The following NOXRED1 variants were observed in gnomAD, a reference collection of about 807,000 sequenced individuals.
NOXRED1 encodes NADP dependent oxidoreductase domain containing 1.
In NOXRED1, 20 loss-of-function variants were observed where a neutral mutation model predicts 30.4. The ratio of observed to expected loss-of-function variants is 0.66; its 90% CI spans 0.46 to 0.96. The LOEUF is 0.96. NOXRED1 is among the 40% of genes least tolerant of loss of function. The pLI is 0.00. For missense variants in NOXRED1, 374 were observed against 428.0 expected, an observed-to-expected ratio of 0.87 and a Z score of 1.11; for synonymous variants, 155 against 168.0, an observed-to-expected ratio of 0.92 and a Z score of 0.60.
intron 2 of NOXRED1, 56 bp downstream of exon 2, chr14:77,413,878 T>C (rs1480973640): frequency 7.8e-7 from 1 of 1,274,318 alleles, no homozygotes; most frequent in Non-Finnish European, 1.1e-6. Flanking sequence ...AAAATGGCTT[T>C]GTTGACACCT....
chr14:77,394,304 G>T lies in NOXRED1; in HGVS notation c.*327C>A. 5.7e-6 allele frequency: 1 copy of T among 174,414 alleles called. No individual in the cohort carries two copies. Among genetic ancestry groups the T allele is most frequent in the African/African-American group, 2.3e-5 (1 of 42,556 alleles). 10.8% of individuals were successfully genotyped at this position (174,414 alleles called of 1,614,324 possible). The stretch of plus-strand genomic sequence containing the variant: ...GGAAAAGAAGCTGCAGTATGTAATT[G>T]TCTAAAACTTATAACATTATAACTT... On this transcript the variant is annotated 3_prime_UTR_variant, in exon 6 of 6. Transcript: ENST00000380835.
rs1358385804 is a variant in NOXRED1, at chr14:77,406,055, G to A, written c.763C>T (p.His255Tyr). ...CTCAGAAGCTGCAGCACTTGGGAGTGGGCCATGTTTCTTGCTGTGCATATG... is the reference window on the plus strand; with the variant it reads ...CTCAGAAGCTGCAGCACTTGGGAGTAGGCCATGTTTCTTGCTGTGCATATG... ...LNICTARNMA[H>Y]SQVLQLLSEL... The change falls in exon 5 of 6, where the codon CAC (histidine) becomes TAC (tyrosine). Residue 255 changes from histidine (H) to tyrosine (Y), a missense_variant. Coordinates refer to ENST00000380835, the MANE Select transcript of NOXRED1 (RefSeq NM_001113475.3). The A allele has an allele frequency of 6.2e-7, 1 of 1,613,774 alleles. No homozygotes were observed.
At position 77,395,352 on chromosome 14, in the gene NOXRED1, C is replaced by T. The variant is rs553870010; in HGVS notation, c.906-547G>A. Among the ~76,000 whole-genome samples the T allele has an allele frequency of 1.9e-3, 296 of 152,028 alleles. 3 individuals carry two copies. The highest frequency in any genetic ancestry group is 0.018 in the South Asian group (87 of 4,800). On this transcript the variant is annotated intron_variant, in intron 5 of 5. Transcript: ENST00000380835. ...CAATCTCCTGACCTTGTGATCTGCC[C>T]GTCTCGGCCTCCCAAAGTGCTGGGA...
At chr14:77,412,000 C>T (rs1468459366) in intron 2 of NOXRED1, among the ~76,000 whole-genome samples, 1 of 146,454 alleles carries the variant, frequency 6.8e-6, no homozygotes, top group Non-Finnish European at 1.5e-5. Flanking sequence ...GAGGCTGAGG[C>T]GGGAGAATCG....
In NOXRED1 at chr14:77,406,877, TG is replaced by T; in HGVS notation, c.531-3del. On this transcript the variant is annotated splice_region_variant and splice_polypyrimidine_tract_variant and intron_variant, in intron 3 of 5. Transcript: ENST00000380835. ...GTGTGGTTCAACAGTAGTTTCAGCC[TG>T]GAAGTAAAGCCAAGACAGGGAGTGC... 1 of 1,612,738 alleles carries T rather than the reference TG, an allele frequency of 6.2e-7. No individual in the cohort carries two copies. Among genetic ancestry groups the T allele is most frequent in the Admixed American group, 1.7e-5 (1 of 59,772 alleles).
In NOXRED1 at chr14:77,394,853, C is replaced by A. The variant is rs751183640; in HGVS notation, c.906-48G>T. ...ACTTTTTTATGTCTGTTCAGTATATCTGATTTGGCTGTTAAACACATCTTT... is the reference window on the plus strand; with the variant it reads ...ACTTTTTTATGTCTGTTCAGTATATATGATTTGGCTGTTAAACACATCTTT... On this transcript the variant is annotated intron_variant, in intron 5 of 5. Transcript: ENST00000380835. 3 of 1,375,066 alleles carry A rather than the reference C, an allele frequency of 2.2e-6. No homozygotes were observed. The Admixed American group carries it at 5.8e-5, about 27-fold the overall frequency. The allele number at this position is 1,375,066 out of a possible 1,614,324, so 85.2% of individuals were successfully genotyped here.
At position 77,413,928 on chromosome 14, in the gene NOXRED1, C is replaced by T. The variant is rs764855910; in HGVS notation, c.349+6G>A. The T allele has an allele frequency of 1.3e-6, 2 of 1,573,926 alleles. No individual in the cohort carries two copies. Among genetic ancestry groups the T allele is most frequent in the South Asian group, 1.2e-5 (1 of 86,504 alleles). On this transcript the variant is annotated splice_donor_region_variant and intron_variant, in intron 2 of 5. Coordinates refer to ENST00000380835, the MANE Select transcript of NOXRED1 (RefSeq NM_001113475.3). Reference sequence around the variant, plus strand: ...AGCCCCCTTTCTACCACACACTGCTCCTCACCCAGAGTCTCTGGCCTCCGA... The same window carrying T: ...AGCCCCCTTTCTACCACACACTGCTTCTCACCCAGAGTCTCTGGCCTCCGA...
rs767812390 is a variant in NOXRED1 at position 77,406,847 on chromosome 14, T to C, written c.559A>G (p.Ile187Val). Residue 187 changes from isoleucine (I) to valine (V), a missense_variant, in exon 4 of 6, where the codon ATC becomes GTC. Physicochemically the swap from Ile to Val is conservative, Grantham distance 29. Transcript: ENST00000380835. ...TCATACTGATACTGAGGCCGCAAGATATTGGTGTGGTTCAACAGTAGTTTC... is the reference window on the plus strand; with the variant it reads ...TCATACTGATACTGAGGCCGCAAGACATTGGTGTGGTTCAACAGTAGTTTC... ...RLKLLLNHTN[I>V]LRPQYQYDED... 4 of 1,614,014 alleles carry C rather than the reference T, an allele frequency of 2.5e-6. No homozygotes were observed. The highest frequency in any genetic ancestry group is 3.4e-6 in the Non-Finnish European group (4 of 1,179,982).
At chr14:77,396,901 A>G (rs937659635) in intron 5 of NOXRED1, among the ~76,000 whole-genome samples, 2 of 152,244 alleles carry the variant, frequency 1.3e-5, no homozygotes, top group Admixed American at 1.3e-4. Context: ...ATTATTGCCA[A>G]CACCAGTTGC....
chr14:77,416,485 T>C (rs541681107), intron 1 of NOXRED1, among the ~76,000 whole-genome samples: 11 of 152,202 alleles, frequency 7.2e-5, no homozygotes, highest in African/African-American at 1.2e-4. Context: ...CCTGAGTGGA[T>C]ACAGCACATG....
At chr14:77,411,536 A>G (rs1894653184) in intron 2 of NOXRED1, among the ~76,000 whole-genome samples, 1 of 152,094 alleles carries the variant, frequency 6.6e-6, no homozygotes, top group African/African-American at 2.4e-5. Flanking sequence ...AAGAAGTTAG[A>G]CTAAAAAAAC....
At chr14:77,416,638 A>G (rs1894831337) in intron 1 of NOXRED1, among the ~76,000 whole-genome samples, 2 of 152,220 alleles carry the variant, frequency 1.3e-5, no homozygotes, top group Admixed American at 6.5e-5. Context: ...CGATTTCTCA[A>G]TCTTTTCCCC....
chr14:77,409,130 G>A (rs150181532), intron 2 of NOXRED1, among the ~76,000 whole-genome samples: 3 of 152,170 alleles, frequency 2.0e-5, no homozygotes, highest in Non-Finnish European at 4.4e-5. Flanking sequence ...GACTTCTTAT[G>A]TTAACCACTG....
chr14:77,415,000 A>G (rs1453818839), intron 1 of NOXRED1, among the ~76,000 whole-genome samples: 1 of 151,808 alleles, frequency 6.6e-6, no homozygotes, highest in East Asian at 1.9e-4. Context: ...AACATGTAAG[A>G]CCTCGTCTCT....
chr14:77,396,521 T>C (rs1449214183), intron 5 of NOXRED1, among the ~76,000 whole-genome samples: 1 of 152,110 alleles, frequency 6.6e-6, no homozygotes, highest in Non-Finnish European at 1.5e-5. Flanking sequence ...AGTGCTGGGA[T>C]TACAGGCATG....
rs747551199 is a variant in NOXRED1 at position 77,405,963 on chromosome 14, T to C, written c.855A>G (p.Gln285=). The stretch of plus-strand genomic sequence containing the variant: ...AGGCTTTGCTGACAAAATCTGTTAA[T>C]TGCAACTTTGGGCAAGATGCTGTGT... ...GKDTASCPKL[Q]LTDFVSKAYG... is the part of the protein sequence containing the mutation. The change falls in exon 5 of 6, where the codon CAA becomes CAG. Residue 285 remains glutamine, a synonymous_variant. Transcript: ENST00000380835. 6.2e-7 allele frequency: 1 copy of C among 1,613,782 alleles called. No individual in the cohort carries two copies. The highest frequency in any genetic ancestry group is 1.1e-5 in the South Asian group (1 of 91,068).
intron 2 of NOXRED1, among the ~76,000 whole-genome samples, chr14:77,413,352 C>T (rs1049700681): frequency 1.3e-5 from 2 of 151,500 alleles, no homozygotes; most frequent in African/African-American, 2.4e-5. Flanking sequence ...AATTCTCCTG[C>T]GTCAGCCTCC....
intron 4 of NOXRED1, 141 bp from the exon 5 acceptor site, chr14:77,406,276 T>C (rs1697588019): frequency 3.2e-6 from 2 of 632,202 alleles, no homozygotes; most frequent in African/African-American, 3.7e-5. Context: ...AAGCAAACAT[T>C]CCTTCCTGAG....
At chr14:77,416,455 C>T (rs1894823619) in intron 1 of NOXRED1, among the ~76,000 whole-genome samples, 1 of 152,142 alleles carries the variant, frequency 6.6e-6, no homozygotes, top group Non-Finnish European at 1.5e-5. Flanking sequence ...ACATCTTGCA[C>T]CGCCCTTAAT....
Sources: allele counts gnomAD v4.1 joint callset (sites outside exome capture counted in the v4.1 genomes callset), GRCh38; gene constraint gnomAD v4.1.1; transcripts MANE v1.5; gene names NCBI Gene and HGNC (gene_info 2026-07-23, HGNC 2026-07-21).